PCSK5: variants seen among roughly 807,000 people sequenced by gnomAD.
The protein encoded by PCSK5 is prohormone convertase 5.
Under a neutral mutation model 233.2 loss-of-function variants are expected in PCSK5, and 129 were observed. The ratio of observed to expected loss-of-function variants is 0.55; its 90% CI spans 0.48 to 0.64. PCSK5 has a LOEUF of 0.64. Ranked by LOEUF, PCSK5 falls within the 30% of genes least tolerant of loss-of-function variation. PCSK5 has a pLI of 0.00. For missense variants in PCSK5, 2,076 were observed against 2,430.1 expected, an observed-to-expected ratio of 0.85 and a Z score of 3.06; for synonymous variants, 825 against 879.2, an observed-to-expected ratio of 0.94 and a Z score of 1.09.
chr9:76,040,834 G>A (rs895738340), intron 5 of PCSK5, among the ~76,000 whole-genome samples: 4 of 152,138 alleles, frequency 2.6e-5, no homozygotes, highest in African/African-American at 9.7e-5. Context: ...ATTTAGAAAG[G>A]ATTTCTGAAT....
chr9:76,192,995 T>TC (rs59979661), intron 20 of PCSK5, among the ~76,000 whole-genome samples: 6 of 151,620 alleles, frequency 4.0e-5, no homozygotes, highest in Non-Finnish European at 7.4e-5. Flanking sequence ...TTTTTTTTTT[T>TC]CACAAATGGA....
rs4745519 is a variant in PCSK5, at chr9:76,177,614, C to A, written c.1901-1982C>A. ...TATTTTAACTAGCAAACTATTTTGT[C>A]TTCTCGGATAGGAGAAAGTAGATCC... On this transcript the variant is annotated intron_variant, in intron 14 of 37. Coordinates refer to ENST00000674117, the MANE Select transcript of PCSK5 (RefSeq NM_001372043.1). 1.6e-3 allele frequency among the ~76,000 whole-genome samples: 237 copies of A among 152,250 alleles called. 1 individual carries two copies. In the East Asian group the frequency reaches 0.016, roughly 11 times the overall value.
intron 5 of PCSK5, among the ~76,000 whole-genome samples, chr9:76,059,799 AT>A (rs1156396406): frequency 6.6e-6 from 1 of 152,100 alleles, no homozygotes; most frequent in Non-Finnish European, 1.5e-5. Flanking sequence ...AATGTTTCAA[AT>A]TTTTTATCCT....
intron 2 of PCSK5, among the ~76,000 whole-genome samples, chr9:75,972,358 A>G (rs944018677): frequency 6.6e-6 from 1 of 152,120 alleles, no homozygotes; most frequent in Non-Finnish European, 1.5e-5. Context: ...TCTTGGCTAT[A>G]TGAGCTCTTT....
intron 7 of PCSK5, among the ~76,000 whole-genome samples, chr9:76,074,265 A>G (rs374553930): frequency 3.3e-5 from 5 of 152,294 alleles, no homozygotes; most frequent in African/African-American, 1.2e-4. Flanking sequence ...AATAGAACTC[A>G]TTTATTTTAT....
chr9:76,124,370 A>G (rs934506393), intron 9 of PCSK5, among the ~76,000 whole-genome samples: 11 of 152,220 alleles, frequency 7.2e-5, no homozygotes, highest in Admixed American at 6.5e-4. Context: ...AGAGCAAGGT[A>G]AAGCTAATAT....
At position 76,361,950 on chromosome 9, in the gene PCSK5, T is replaced by C. The variant is rs1195279419; in HGVS notation, c.*3028T>C. 1 of 152,168 alleles carries C rather than the reference T, an allele frequency of 6.6e-6. No homozygotes were observed. Among genetic ancestry groups the C allele is most frequent in the Non-Finnish European group, 1.5e-5 (1 of 68,038 alleles). The allele number at this position is 152,168 out of a possible 1,614,324, so 9.4% of individuals were successfully genotyped here. ...GACATTTCTTTCTGTAAACTGGAAA[T>C]TGTTTTCTATGAAAAAAAAACTCTA... On this transcript the variant is annotated 3_prime_UTR_variant, in exon 38 of 38. Coordinates refer to ENST00000674117, the MANE Select transcript of PCSK5 (RefSeq NM_001372043.1).
At chr9:76,043,661 C>T (rs1829232498) in intron 5 of PCSK5, among the ~76,000 whole-genome samples, 1 of 152,130 alleles carries the variant, frequency 6.6e-6, no homozygotes, top group Admixed American at 6.5e-5. Flanking sequence ...ATGGGCCATG[C>T]ACATATAATT....
chr9:76,259,738 A>G (rs1242784744), intron 24 of PCSK5, among the ~76,000 whole-genome samples: 1 of 152,100 alleles, frequency 6.6e-6, no homozygotes, highest in Non-Finnish European at 1.5e-5. Context: ...CAACCAAGTC[A>G]ATGTCAGCGT....
At chr9:76,284,946 TAC>T (rs1449032064) in intron 24 of PCSK5, among the ~76,000 whole-genome samples, 1 of 152,238 alleles carries the variant, frequency 6.6e-6, no homozygotes, top group African/African-American at 2.4e-5. Context: ...TAATAATTTA[TAC>T]ACACACATAT....
At chr9:76,203,252 C>T (rs918427878) in intron 20 of PCSK5, among the ~76,000 whole-genome samples, 5 of 151,954 alleles carry the variant, frequency 3.3e-5, no homozygotes, top group Non-Finnish European at 5.9e-5. Context: ...GCTTTAGGAC[C>T]CTGCCACTAA....
chr9:75,989,612 G>A (rs1307033356), intron 3 of PCSK5, among the ~76,000 whole-genome samples: 4 of 152,156 alleles, frequency 2.6e-5, no homozygotes, highest in Non-Finnish European at 5.9e-5. Flanking sequence ...AAGACTCAAA[G>A]GCTTGGTGAG....
intron 19 of PCSK5, 130 bp downstream of exon 19, chr9:76,189,353 T>C: frequency 2.6e-6 from 2 of 784,272 alleles, no homozygotes; most frequent in Non-Finnish European, 4.1e-6. Context: ...CTGTGGACAC[T>C]GTTCTGAAGC....
At chr9:76,184,581 G>C in intron 16 of PCSK5, 92 bp from the exon 17 acceptor site, 1 of 761,450 alleles carries the variant, frequency 1.3e-6, no homozygotes, top group Non-Finnish European at 2.2e-6. Flanking sequence ...CATAGGTACT[G>C]TAGCATACAT....
At chr9:76,025,122 T>G (rs1456673805) in intron 4 of PCSK5, among the ~76,000 whole-genome samples, 1 of 152,208 alleles carries the variant, frequency 6.6e-6, no homozygotes, top group Non-Finnish European at 1.5e-5. Context: ...TATATTTTAC[T>G]TGATTTCCCG....
intron 3 of PCSK5, among the ~76,000 whole-genome samples, chr9:75,988,082 C>T (rs1174728066): frequency 6.6e-6 from 1 of 152,168 alleles, no homozygotes; most frequent in Non-Finnish European, 1.5e-5. Flanking sequence ...ATAGTGAGAT[C>T]TTGTCACTCT....
At chr9:76,083,899 T>C (rs1303079521) in intron 7 of PCSK5, among the ~76,000 whole-genome samples, 1 of 152,262 alleles carries the variant, frequency 6.6e-6, no homozygotes, top group Non-Finnish European at 1.5e-5. Context: ...TTTTATCTGA[T>C]ATACACCCAG....
chr9:75,970,722 A>C (rs150896539), intron 2 of PCSK5, among the ~76,000 whole-genome samples: 6 of 152,128 alleles, frequency 3.9e-5, no homozygotes, highest in Admixed American at 1.3e-4. Flanking sequence ...CCTAGGTTCA[A>C]ATAATTCTCC....
intron 5 of PCSK5, 120 bp downstream of exon 5, chr9:76,027,157 A>AGTG: frequency 1.6e-6 from 1 of 612,270 alleles, no homozygotes; most frequent in South Asian, 2.3e-5. Flanking sequence ...ATTTGCTCCA[A>AGTG]GATTAACAAG....
Sources: gnomAD v4.1 joint callset for allele counts (sites outside exome capture counted in the v4.1 genomes callset) on GRCh38, gnomAD v4.1.1 for gene constraint, MANE v1.5 for transcripts, NCBI Gene and HGNC (gene_info 2026-07-23, HGNC 2026-07-21) for gene names.